The following VPS9D1 variants were observed in gnomAD, a reference collection of about 807,000 sequenced individuals.
VPS9D1 encodes VPS9 domain-containing protein 1.
In VPS9D1, 78 loss-of-function variants were observed where a neutral mutation model predicts 75.8. The observed-to-expected ratio is 1.03, with a 90% CI of 0.86 to 1.24. The LOEUF (loss-of-function observed/expected upper bound fraction) is 1.24. Among genes scored for constraint, VPS9D1 ranks in the 50% most tolerant of loss-of-function variants. The pLI, the probability that VPS9D1 is intolerant of heterozygous loss-of-function variation, is 0.00. For missense variants in VPS9D1, 1,057 were observed against 847.7 expected (o/e 1.25, Z -3.07); for synonymous variants, 481 against 385.6 (o/e 1.25, Z -2.90).
chr16:89,718,110 C>A (rs2061132589), intron 2 of VPS9D1: 1 of 454,210 alleles, frequency 2.2e-6, no homozygotes, highest in African/African-American at 2.0e-5. Context: ...CCTCTGTGAT[C>A]CTTTGTGCAG....
intron 10 of VPS9D1, 105 bp from the exon 11 acceptor site, chr16:89,710,011 G>C (rs558526805): frequency 3.4e-6 from 5 of 1,467,066 alleles, no homozygotes; most frequent in Non-Finnish European, 4.5e-6. Context: ...TCTTTCCACC[G>C]CCTTCAAGCC....
chr16:89,708,159 G>T (rs1329061435), intron 14 of VPS9D1, among the ~76,000 whole-genome samples: 1 of 152,186 alleles, frequency 6.6e-6, no homozygotes, highest in Non-Finnish European at 1.5e-5. Flanking sequence ...GATGGCACTG[G>T]ATCCTTATCC....
In VPS9D1 at chr16:89,712,768, G is replaced by A. The variant is rs755396350; in HGVS notation, c.432-52C>T. The A allele has an allele frequency of 1.7e-5, 24 of 1,389,440 alleles. No individual in the cohort carries two copies. In the Admixed American group the frequency reaches 4.4e-4, roughly 26 times the overall value. The allele number at this position is 1,389,440 out of a possible 1,614,324, so 86.1% of individuals were successfully genotyped here. A position where few individuals can be genotyped will look rare whatever the true frequency, so the allele number is the denominator to read the frequency against. On this transcript the variant is annotated intron_variant, in intron 4 of 14. Coordinates refer to ENST00000389386, the MANE Select transcript of VPS9D1 (RefSeq NM_004913.3). Reference sequence around the variant, plus strand: ...GACCCCAGGAAGCCCAGTGGTGTCTGGACACCAGAGGAGTCTCTCTCATCC... The same window carrying A: ...GACCCCAGGAAGCCCAGTGGTGTCTAGACACCAGAGGAGTCTCTCTCATCC...
rs2060876937 is a variant in VPS9D1 at position 89,709,913 on chromosome 16, G to A, written c.1259-7C>T. ...GTCAGCGAGAGCAGCCTGTCTGCTA[G>A]GAACAGAGCCGGGGACGTCCACAGA... On this transcript the variant is annotated splice_region_variant and splice_polypyrimidine_tract_variant and intron_variant, in intron 10 of 14. Coordinates refer to ENST00000389386, the MANE Select transcript of VPS9D1 (RefSeq NM_004913.3). 3 of 1,601,452 alleles carry A rather than the reference G, an allele frequency of 1.9e-6. No individual in the cohort carries two copies. Among genetic ancestry groups the A allele is most frequent in the South Asian group, 2.2e-5 (2 of 89,392 alleles).
chr16:89,712,238 C>A (rs1396704211), intron 6 of VPS9D1, 139 bp from the exon 7 acceptor site: 3 of 1,384,428 alleles, frequency 2.2e-6, no homozygotes, highest in Non-Finnish European at 3.0e-6. Context: ...GCTTCTGGGG[C>A]AGAAGGCAGC....
chr16:89,719,188 G>A (rs1008680634), intron 1 of VPS9D1, 86 bp from the exon 2 acceptor site: 23 of 1,237,466 alleles, frequency 1.9e-5, no homozygotes, highest in Non-Finnish European at 2.6e-5. Flanking sequence ...TGTGGGATAA[G>A]CAAGGAACAC....
chr16:89,712,271 G>A, intron 6 of VPS9D1, 172 bp from the exon 7 acceptor site: 1 of 1,315,912 alleles, frequency 7.6e-7, no homozygotes, highest in Non-Finnish European at 1.0e-6. Flanking sequence ...CAGGAGGGCC[G>A]GGCCAGAGAA....
intron 11 of VPS9D1, 43 bp from the exon 12 acceptor site, chr16:89,709,478 G>A: frequency 1.4e-6 from 2 of 1,480,866 alleles, no homozygotes; most frequent in Non-Finnish European, 1.8e-6. Context: ...CAGGGACCTT[G>A]CCCTGGGGAC....
At chr16:89,720,493 A>G in intron 1 of VPS9D1, 4 of 1,124,942 alleles carry the variant, frequency 3.6e-6, no homozygotes, top group Non-Finnish European at 4.3e-6. Flanking sequence ...CTCCTGCTAC[A>G]TCTCCTCTAC....
At chr16:89,711,755 GGCCCC>G in intron 8 of VPS9D1, 122 bp downstream of exon 8, 1 of 1,170,890 alleles carries the variant, frequency 8.5e-7, no homozygotes, top group Non-Finnish European at 1.2e-6. Flanking sequence ...ACGGGCCTCT[GGCCCC>G]GCCCCCTCAC....
rs766335447 is a variant in VPS9D1, at chr16:89,711,421, C to T, written c.748-9G>A. 11 of 1,600,224 alleles carry T rather than the reference C, an allele frequency of 6.9e-6. No individual in the cohort carries two copies. The highest frequency in any genetic ancestry group is 2.3e-5 in the South Asian group (2 of 88,744). On this transcript the variant is annotated splice_polypyrimidine_tract_variant and intron_variant, in intron 8 of 14. Coordinates refer to ENST00000389386, the MANE Select transcript of VPS9D1 (RefSeq NM_004913.3). ...CAGTGCTTCGGCCAGTCCTACGGGA[C>T]AGGGGGCCTTGAAGGAAAGCACGGT... is the stretch of plus-strand genomic sequence containing the variant.
Position 89,719,271 on chromosome 16 carries a change from T to A in VPS9D1, c.100-169A>T, listed in dbSNP as rs2061175038. 4 of 692,088 alleles carry A rather than the reference T, an allele frequency of 5.8e-6. 1 individual carries two copies. The Admixed American group carries it at 8.1e-5, about 14-fold the overall frequency. 42.9% of individuals were successfully genotyped at this position (692,088 alleles called of 1,614,324 possible). On this transcript the variant is annotated intron_variant, in intron 1 of 14. Coordinates refer to ENST00000389386, the MANE Select transcript of VPS9D1 (RefSeq NM_004913.3). ...GTGGTTAGCTGCAGCCGGAACACGG[T>A]TTTCTGCGCAGGGCACAGGCAGCAT...
At chr16:89,712,803 G>A (rs1482852713) in intron 4 of VPS9D1, 87 bp from the exon 5 acceptor site, 2 of 1,218,216 alleles carry the variant, frequency 1.6e-6, no homozygotes, top group African/African-American at 3.1e-5. Flanking sequence ...CTCCCGGATT[G>A]CTCTGAGGCC....
intron 1 of VPS9D1, chr16:89,720,343 CA>C (rs1212215990): frequency 2.2e-6 from 2 of 912,162 alleles, no homozygotes; most frequent in Non-Finnish European, 2.6e-6. Flanking sequence ...CAAACAGCAT[CA>C]CAAATGAGCA....
At chr16:89,718,470 G>A (rs1265027068) in intron 2 of VPS9D1, among the ~76,000 whole-genome samples, 4 of 152,060 alleles carry the variant, frequency 2.6e-5, no homozygotes, top group Non-Finnish European at 5.9e-5. Context: ...GCTGCCCCAC[G>A]TCTGTGCCGC....
In VPS9D1 at chr16:89,707,737, C is replaced by A. The variant is rs1368659048; in HGVS notation, c.*124G>T. On this transcript the variant is annotated 3_prime_UTR_variant, in exon 15 of 15. Coordinates refer to ENST00000389386, the MANE Select transcript of VPS9D1 (RefSeq NM_004913.3). ...GAGCACACCACAGTGGACAAGCCCCCACCATGTGCAGAGCAGCGTGAGGCT... is the reference window on the plus strand; with the variant it reads ...GAGCACACCACAGTGGACAAGCCCCAACCATGTGCAGAGCAGCGTGAGGCT... 2.5e-6 allele frequency: 2 copies of A among 803,562 alleles called. No individual in the cohort carries two copies. Among genetic ancestry groups the A allele is most frequent in the Non-Finnish European group, 4.1e-6 (2 of 492,264 alleles). 49.8% of individuals were successfully genotyped at this position (803,562 alleles called of 1,614,324 possible). A position where few individuals can be genotyped will look rare whatever the true frequency, so the allele number is the denominator to read the frequency against.
intron 13 of VPS9D1, 61 bp downstream of exon 13, chr16:89,708,796 G>A (rs1364927658): frequency 6.6e-5 from 96 of 1,464,428 alleles, no homozygotes; most frequent in Admixed American, 1.5e-4. Flanking sequence ...AGTCCCTCCC[G>A]TGACCATTGC....
At chr16:89,709,013 C>A in intron 12 of VPS9D1, 57 bp from the exon 13 acceptor site, 15 of 1,286,478 alleles carry the variant, frequency 1.2e-5, no homozygotes, top group Non-Finnish European at 1.4e-5. Context: ...CCTGAGCCAC[C>A]CCTTATACCC....
intron 5 of VPS9D1, 37 bp from the exon 6 acceptor site, chr16:89,712,559 T>C (rs2060959707): frequency 6.2e-7 from 1 of 1,609,590 alleles, no homozygotes. Context: ...GACTCCCCTC[T>C]GCCCCGCGCC....
Sources: allele counts gnomAD v4.1 joint callset (sites outside exome capture counted in the v4.1 genomes callset), GRCh38; gene constraint gnomAD v4.1.1; transcripts MANE v1.5; gene names NCBI Gene and HGNC (gene_info 2026-07-23, HGNC 2026-07-21).